HP1BP3: variants seen among roughly 807,000 people sequenced by gnomAD.
HP1BP3 encodes heterochromatin protein 1-binding protein 3.
Under a neutral mutation model 62.5 loss-of-function variants are expected in HP1BP3, and 12 were observed. The observed-to-expected ratio is 0.19, with a 90% CI of 0.12 to 0.31. The LOEUF is 0.31. Among genes scored for constraint, HP1BP3 ranks in the 10% least tolerant of loss-of-function variants. The pLI, the probability that HP1BP3 is intolerant of heterozygous loss-of-function variation, is 1.00. For synonymous variants in HP1BP3, 260 were observed against 237.8 expected (o/e 1.09, Z -0.86); for missense variants, 502 against 651.8 (o/e 0.77, Z 2.50).
intron 1 of HP1BP3, among the ~76,000 whole-genome samples, chr1:20,781,139 G>T (rs926729819): frequency 6.6e-6 from 1 of 151,956 alleles, no homozygotes; most frequent in Non-Finnish European, 1.5e-5. Flanking sequence ...AACTAGTACA[G>T]AAGAATATAA....
At chr1:20,747,050 A>C (rs1031333802) in intron 11 of HP1BP3, among the ~76,000 whole-genome samples, 1 of 152,190 alleles carries the variant, frequency 6.6e-6, no homozygotes, top group African/African-American at 2.4e-5. Context: ...TAATCCTCTA[A>C]GAATCTGTCA....
At chr1:20,773,838 C>G in intron 4 of HP1BP3, 1 of 355,670 alleles carries the variant, frequency 2.8e-6, no homozygotes, top group Non-Finnish European at 5.0e-6. Flanking sequence ...AGAAAGGAGT[C>G]ACATAAATTA....
intron 11 of HP1BP3, among the ~76,000 whole-genome samples, chr1:20,746,186 ATGTGTGTGTGTG>A (rs35710978): frequency 5.8e-4 from 83 of 143,248 alleles, no homozygotes; most frequent in African/African-American, 1.5e-3. Context: ...ACATACATAT[ATGTGTGTGTGTG>A]TGTGTGTGTG....
chr1:20,767,706 T>C (rs754603237), intron 6 of HP1BP3, 42 bp from the exon 7 acceptor site: 3 of 1,280,330 alleles, frequency 2.3e-6, no homozygotes, highest in South Asian at 1.3e-5. Context: ...TTCATAACTT[T>C]ACAGTAGGCT....
rs2055097203 is a variant in HP1BP3 at position 20,742,017 on chromosome 1, A to G, written c.*2780T>C. Among the ~76,000 whole-genome samples the G allele has an allele frequency of 1.3e-5, 2 of 152,234 alleles. No homozygotes were observed. The highest frequency in any genetic ancestry group is 2.1e-4 in the South Asian group (1 of 4,834). The stretch of plus-strand genomic sequence containing the variant: ...TGACCTTCCTGTCTTTTCCCTTTAC[A>G]TCACACTGAAACAAACTGTCCTTAT... On this transcript the variant is annotated 3_prime_UTR_variant, in exon 13 of 13. Coordinates refer to ENST00000438032, the MANE Select transcript of HP1BP3 (RefSeq NM_001372052.1).
At chr1:20,778,797 T>C (rs1464615094) in intron 3 of HP1BP3, among the ~76,000 whole-genome samples, 2 of 151,998 alleles carry the variant, frequency 1.3e-5, no homozygotes, top group East Asian at 3.8e-4. Flanking sequence ...TTTTTTTTTT[T>C]TTCTTTTTTT....
In HP1BP3 at chr1:20,745,535, G is replaced by A. The variant is rs762920650; in HGVS notation, c.1367+8C>T. The A allele has an allele frequency of 5.0e-6, 8 of 1,613,926 alleles. No individual in the cohort carries two copies. Among genetic ancestry groups the A allele is most frequent in the Non-Finnish European group, 6.8e-6 (8 of 1,179,890 alleles). On this transcript the variant is annotated splice_region_variant and intron_variant, in intron 12 of 12. Coordinates refer to ENST00000438032, the MANE Select transcript of HP1BP3 (RefSeq NM_001372052.1). ...TCCTCCCCACAAGGGGTTTTCACAT[G>A]TCCACACCTTCTCTTAGGTGGCGGC...
chr1:20,768,319 G>A (rs1373812371), intron 6 of HP1BP3, among the ~76,000 whole-genome samples: 3 of 152,098 alleles, frequency 2.0e-5, no homozygotes, highest in African/African-American at 7.2e-5. Flanking sequence ...GGTGGCGGGT[G>A]CCTGTAGTCC....
At chr1:20,779,534 A>C (rs1001268170) in intron 3 of HP1BP3, among the ~76,000 whole-genome samples, 9 of 152,098 alleles carry the variant, frequency 5.9e-5, no homozygotes, top group East Asian at 1.9e-4. Context: ...CCAGAATGCT[A>C]CTCTCTGGCC....
At chr1:20,784,511 C>G (rs1468135035) in intron 1 of HP1BP3, among the ~76,000 whole-genome samples, 1 of 132,506 alleles carries the variant, frequency 7.5e-6, no homozygotes, top group African/African-American at 3.0e-5. Context: ...CCGAGTCTTG[C>G]TCTGTCGCCC....
intron 10 of HP1BP3, among the ~76,000 whole-genome samples, chr1:20,748,860 A>C (rs1431411528): frequency 1.3e-5 from 2 of 152,154 alleles, no homozygotes; most frequent in East Asian, 3.8e-4. Flanking sequence ...TCACCCTACA[A>C]CATTGTGCCT....
intron 1 of HP1BP3, among the ~76,000 whole-genome samples, chr1:20,784,400 A>G (rs2057718324): frequency 6.6e-6 from 1 of 152,058 alleles, no homozygotes; most frequent in South Asian, 2.1e-4. Context: ...CTAAGAACAT[A>G]CCAGGCACAG....
intron 3 of HP1BP3, among the ~76,000 whole-genome samples, chr1:20,777,529 C>A (rs2057356921): frequency 6.6e-6 from 1 of 151,998 alleles, no homozygotes; most frequent in Non-Finnish European, 1.5e-5. Context: ...GCAATCTTGG[C>A]TCACTGCAAC....
chr1:20,768,396 A>T (rs1339025035), intron 6 of HP1BP3, among the ~76,000 whole-genome samples: 3 of 152,148 alleles, frequency 2.0e-5, no homozygotes, highest in African/African-American at 7.2e-5. Context: ...CAGTGAGCTG[A>T]GATCGCTCCA....
Position 20,765,547 on chromosome 1 carries a change from CA to C in HP1BP3, c.736-17del. On this transcript the variant is annotated splice_polypyrimidine_tract_variant and intron_variant, in intron 7 of 12. Transcript: ENST00000438032. ...AGCTCCTATTCTGAAAAGTAATTAT[CA>C]AAAATTATGATCATTATAGAACGTA... 1 of 1,599,528 alleles carries C rather than the reference CA, an allele frequency of 6.3e-7. No homozygotes were observed. The highest frequency in any genetic ancestry group is 8.5e-7 in the Non-Finnish European group (1 of 1,170,558).
chr1:20,761,728 T>C (rs1021561854), intron 8 of HP1BP3, among the ~76,000 whole-genome samples: 3 of 152,152 alleles, frequency 2.0e-5, no homozygotes, highest in African/African-American at 7.2e-5. Flanking sequence ...ACATAAAAGA[T>C]GAGAGGCCTA....
intron 7 of HP1BP3, among the ~76,000 whole-genome samples, chr1:20,766,583 T>C (rs970092037): frequency 1.3e-5 from 2 of 152,246 alleles, no homozygotes; most frequent in African/African-American, 4.8e-5. Context: ...ATGTTAGTAT[T>C]TACAAAAACA....
At chr1:20,786,747 G>C (rs943811345) in intron 1 of HP1BP3, 1 of 152,248 alleles carries the variant, frequency 6.6e-6, no homozygotes, top group Admixed American at 6.5e-5. Context: ...AACCGGCTCC[G>C]AAAACCGCTG....
At chr1:20,768,131 A>G (rs1246354616) in intron 6 of HP1BP3, among the ~76,000 whole-genome samples, 1 of 152,204 alleles carries the variant, frequency 6.6e-6, no homozygotes, top group African/African-American at 2.4e-5. Flanking sequence ...ATGATACATT[A>G]TTCCTTATGG....
Sources: allele counts gnomAD v4.1 joint callset (sites outside exome capture counted in the v4.1 genomes callset), GRCh38; gene constraint gnomAD v4.1.1; transcripts MANE v1.5; gene names NCBI Gene and HGNC (gene_info 2026-07-23, HGNC 2026-07-21).